MOB3B: variants seen among roughly 807,000 people sequenced by gnomAD.
The protein encoded by MOB3B is MOB kinase activator 3B.
In MOB3B, 7 loss-of-function variants were observed where a neutral mutation model predicts 18.7. That is an observed-to-expected ratio of 0.37 (90% CI 0.21 to 0.70). The LOEUF (loss-of-function observed/expected upper bound fraction) is 0.70, where lower values mean the gene tolerates loss of function less well. MOB3B is among the 30% of genes least tolerant of loss of function. The pLI is 0.52. For synonymous variants in MOB3B, 111 were observed against 99.9 expected (o/e 1.11, Z -0.66); for missense variants, 253 against 281.3 (o/e 0.90, Z 0.72).
chr9:27,411,195 C>T (rs1305097435), intron 2 of MOB3B, among the ~76,000 whole-genome samples: 1 of 152,140 alleles, frequency 6.6e-6, no homozygotes, highest in Non-Finnish European at 1.5e-5. Context: ...GGTAGCTGTA[C>T]CTCTTCTAGG....
intron 1 of MOB3B, among the ~76,000 whole-genome samples, chr9:27,498,017 C>T (rs1045402964): frequency 6.6e-6 from 1 of 152,152 alleles, no homozygotes; most frequent in Admixed American, 6.5e-5. Flanking sequence ...ATGGAGCATT[C>T]GGATAGCAGG....
chr9:27,518,819 T>C (rs1820279761), intron 1 of MOB3B, among the ~76,000 whole-genome samples: 1 of 152,212 alleles, frequency 6.6e-6, no homozygotes, highest in South Asian at 2.1e-4. Context: ...TACAGGTTAT[T>C]ACTGAATCAG....
chr9:27,411,854 A>G (rs1223517310), intron 2 of MOB3B, among the ~76,000 whole-genome samples: 1 of 152,184 alleles, frequency 6.6e-6, no homozygotes, highest in Non-Finnish European at 1.5e-5. Flanking sequence ...TAACAAATCA[A>G]TTTTGGTTCA....
At chr9:27,484,544 G>A (rs1030381748) in intron 1 of MOB3B, among the ~76,000 whole-genome samples, 3 of 152,150 alleles carry the variant, frequency 2.0e-5, no homozygotes, top group African/African-American at 7.2e-5. Flanking sequence ...AAAGCATAAA[G>A]AATTTGAAAA....
chr9:27,352,885 G>T (rs1821126440), intron 3 of MOB3B, among the ~76,000 whole-genome samples: 1 of 152,164 alleles, frequency 6.6e-6, no homozygotes, highest in African/African-American at 2.4e-5. Context: ...CCTTCTCAAA[G>T]GCTTTGATAT....
At chr9:27,424,358 G>A (rs954626074) in intron 2 of MOB3B, among the ~76,000 whole-genome samples, 28 of 152,128 alleles carry the variant, frequency 1.8e-4, no homozygotes, top group African/African-American at 5.8e-4. Flanking sequence ...TGCTAGCCAC[G>A]GACACAGAAT....
At chr9:27,428,992 T>C (rs1260390665) in intron 2 of MOB3B, among the ~76,000 whole-genome samples, 5 of 152,212 alleles carry the variant, frequency 3.3e-5, no homozygotes, top group Non-Finnish European at 5.9e-5. Flanking sequence ...AAACATGACA[T>C]TCTGATCACC....
intron 2 of MOB3B, among the ~76,000 whole-genome samples, chr9:27,384,375 C>T (rs1453284348): frequency 6.6e-6 from 1 of 152,048 alleles, no homozygotes; most frequent in Non-Finnish European, 1.5e-5. Flanking sequence ...CCTCTGATGG[C>T]ATTTGGTATT....
intron 2 of MOB3B, among the ~76,000 whole-genome samples, chr9:27,441,646 T>G (rs62541578): frequency 0.18 from 27,225 of 152,176 alleles, 2,721 homozygotes; most frequent in Middle Eastern, 0.26. Flanking sequence ...ATGAATCATT[T>G]ATTTCTGGAA....
rs536582682 is a variant in MOB3B at position 27,438,552 on chromosome 9, A to G, written c.418+16581T>C. Among the ~76,000 whole-genome samples the G allele has an allele frequency of 3.9e-5, 6 of 152,286 alleles. No individual in the cohort carries two copies. In the South Asian group the frequency reaches 1.2e-3, roughly 32 times the overall value. On this transcript the variant is annotated intron_variant, in intron 2 of 3. Transcript: ENST00000262244. ...GGTAATTTTAACAGTTCACTTTGATAATGTCTCCTTGCCAGTTTGTTATAA... is the reference window on the plus strand; with the variant it reads ...GGTAATTTTAACAGTTCACTTTGATGATGTCTCCTTGCCAGTTTGTTATAA...
intron 2 of MOB3B, among the ~76,000 whole-genome samples, chr9:27,366,085 G>A (rs968912972): frequency 1.3e-5 from 2 of 152,174 alleles, no homozygotes; most frequent in African/African-American, 2.4e-5. Context: ...TAAGGAGAGT[G>A]CAGGCCTGGA....
chr9:27,451,925 C>T (rs1222674122), intron 2 of MOB3B, among the ~76,000 whole-genome samples: 1 of 152,130 alleles, frequency 6.6e-6, no homozygotes, highest in Non-Finnish European at 1.5e-5. Flanking sequence ...CAAAAGACCA[C>T]AACAGTAGCA....
At position 27,507,921 on chromosome 9, in the gene MOB3B, A is replaced by G. The variant is rs192994396; in HGVS notation, c.-199+21634T>C. Among the ~76,000 whole-genome samples, 360 of 152,354 alleles carry G rather than the reference A, an allele frequency of 2.4e-3. 1 individual carries two copies. The highest frequency in any genetic ancestry group is 3.7e-3 in the Non-Finnish European group (254 of 68,034). Reference sequence around the variant, plus strand: ...AGTTCTTCAAGCGATTAAAGCTGGTAATTACAATAATTCTATTATTTTTCT... The same window carrying G: ...AGTTCTTCAAGCGATTAAAGCTGGTGATTACAATAATTCTATTATTTTTCT... On this transcript the variant is annotated intron_variant, in intron 1 of 3. Transcript: ENST00000262244.
At chr9:27,398,093 C>A (rs1395781075) in intron 2 of MOB3B, among the ~76,000 whole-genome samples, 1 of 152,184 alleles carries the variant, frequency 6.6e-6, no homozygotes, top group East Asian at 1.9e-4. Flanking sequence ...TTCTGGGTTA[C>A]CTCAGTAGAA....
At chr9:27,511,723 A>T (rs1055336852) in intron 1 of MOB3B, among the ~76,000 whole-genome samples, 4 of 152,218 alleles carry the variant, frequency 2.6e-5, no homozygotes, top group African/African-American at 9.6e-5. Flanking sequence ...TATGGCTGAC[A>T]ACTCCAATCC....
chr9:27,493,120 C>G (rs543191494), intron 1 of MOB3B, among the ~76,000 whole-genome samples: 2 of 152,196 alleles, frequency 1.3e-5, no homozygotes, highest in African/African-American at 4.8e-5. Context: ...TATGTAAGAA[C>G]ATACATTTGG....
intron 2 of MOB3B, among the ~76,000 whole-genome samples, chr9:27,369,196 C>T (rs1455347040): frequency 2.0e-5 from 3 of 152,096 alleles, no homozygotes; most frequent in Non-Finnish European, 4.4e-5. Flanking sequence ...ACTACCACAC[C>T]TTCTGGTTTT....
intron 1 of MOB3B, among the ~76,000 whole-genome samples, chr9:27,463,278 G>GTAT (rs199748734): frequency 1.1e-4 from 17 of 152,044 alleles, no homozygotes; most frequent in Middle Eastern, 3.4e-3. Flanking sequence ...TTATGAATAG[G>GTAT]TATTATTATT....
At chr9:27,492,435 C>G (rs1235051471) in intron 1 of MOB3B, among the ~76,000 whole-genome samples, 7 of 152,152 alleles carry the variant, frequency 4.6e-5, no homozygotes, top group African/African-American at 1.7e-4. Context: ...ATGTATTCCA[C>G]AGCAAAGAAA....
Sources: allele counts gnomAD v4.1 joint callset (sites outside exome capture counted in the v4.1 genomes callset), GRCh38; gene constraint gnomAD v4.1.1; transcripts MANE v1.5; gene names NCBI Gene and HGNC (gene_info 2026-07-23, HGNC 2026-07-21).